The following CDH13 variants were observed in gnomAD, a reference collection of about 807,000 sequenced individuals.
The protein encoded by CDH13 is cadherin-13.
In CDH13, 24 loss-of-function variants were observed where a neutral mutation model predicts 63.8. The observed-to-expected ratio is 0.38, with a 90% CI of 0.27 to 0.53. The LOEUF (loss-of-function observed/expected upper bound fraction) is 0.53, where lower values mean the gene tolerates loss of function less well. Among genes scored for constraint, CDH13 ranks in the 20% least tolerant of loss-of-function variants. The pLI, the probability that CDH13 is intolerant of heterozygous loss-of-function variation, is 0.85. For synonymous variants in CDH13, 503 were observed against 355.3 expected, an observed-to-expected ratio of 1.42 and a Z score of -4.67; for missense variants, 1,049 against 903.1, an observed-to-expected ratio of 1.16 and a Z score of -2.07.
At chr16:83,014,743 A>AAAAAATAT in intron 2 of CDH13, among the ~76,000 whole-genome samples, 1 of 33,222 alleles carries the variant, frequency 3.0e-5, no homozygotes, top group African/African-American at 1.2e-4. Flanking sequence ...AAAAAAAAAA[A>AAAAAATAT]ATATATATAT....
At chr16:82,807,109 G>C (rs932853242) in intron 1 of CDH13, among the ~76,000 whole-genome samples, 6 of 138,572 alleles carry the variant, frequency 4.3e-5, no homozygotes, top group Admixed American at 2.9e-4. Context: ...TTTTTCTTAA[G>C]AAAAAACTTA....
At chr16:83,009,937 C>CAGCCTGGCCAACATGGTGAA (rs370474810) in intron 2 of CDH13, among the ~76,000 whole-genome samples, 26 of 152,016 alleles carry the variant, frequency 1.7e-4, no homozygotes, top group African/African-American at 6.3e-4. Flanking sequence ...AGTTCTTGAC[C>CAGCCTGGCCAACATGGTGAA]AGCCTGGCCA....
intron 1 of CDH13, among the ~76,000 whole-genome samples, chr16:82,681,642 G>A (rs558952792): frequency 5.9e-5 from 9 of 152,290 alleles, no homozygotes; most frequent in South Asian, 2.1e-4. Context: ...GGATGCTCCT[G>A]GTGCCCCCGT....
At chr16:83,113,352 G>T (rs143496418) in intron 3 of CDH13, among the ~76,000 whole-genome samples, 266 of 152,316 alleles carry the variant, frequency 1.7e-3, no homozygotes, top group African/African-American at 6.1e-3. Context: ...CAAATACTCT[G>T]CACCAGCTAC....
chr16:82,876,191 T>G (rs538051390), intron 2 of CDH13, among the ~76,000 whole-genome samples: 1 of 152,330 alleles, frequency 6.6e-6, no homozygotes, highest in South Asian at 2.1e-4. Context: ...GGGAGACAGC[T>G]AAACCATATC....
intron 3 of CDH13, among the ~76,000 whole-genome samples, chr16:83,058,363 C>T (rs374146733): frequency 1.1e-4 from 17 of 152,308 alleles, no homozygotes; most frequent in African/African-American, 3.8e-4. Flanking sequence ...TGCCGCTGGC[C>T]AATTCTTCAA....
At chr16:83,119,495 C>G (rs1473613800) in intron 3 of CDH13, among the ~76,000 whole-genome samples, 1 of 152,186 alleles carries the variant, frequency 6.6e-6, no homozygotes, top group African/African-American at 2.4e-5. Flanking sequence ...ATGGCAACAC[C>G]AGAAGTCAAG....
At chr16:83,033,098 G>A (rs190137890) in intron 3 of CDH13, among the ~76,000 whole-genome samples, 1 of 152,144 alleles carries the variant, frequency 6.6e-6, no homozygotes, top group African/African-American at 2.4e-5. Context: ...ATGTGTATAT[G>A]TACACATACA....
intron 5 of CDH13, among the ~76,000 whole-genome samples, chr16:83,338,209 A>G (rs1338388485): frequency 1.3e-5 from 2 of 149,780 alleles, no homozygotes; most frequent in Non-Finnish European, 3.0e-5. Context: ...AAAAACAAGT[A>G]ATCAGTTTAA....
At chr16:82,632,659 G>A (rs2150869454) in intron 1 of CDH13, among the ~76,000 whole-genome samples, 1 of 152,308 alleles carries the variant, frequency 6.6e-6, no homozygotes, top group South Asian at 2.1e-4. Context: ...AACCATTTTG[G>A]TACCAGGGAC....
rs1309783442 is a variant in CDH13, at chr16:82,644,876, C to T, written c.45+17739C>T. 6.6e-6 allele frequency among the ~76,000 whole-genome samples: 1 copy of T among 152,090 alleles called. No individual in the cohort carries two copies. ...AATGTGTTCTGAAGAGATACTGGTT[C>T]CATGGGAGGTTAATATGGGTTCTGG... On this transcript the variant is annotated intron_variant, in intron 1 of 13. Coordinates refer to ENST00000567109, the MANE Select transcript of CDH13 (RefSeq NM_001257.5). This position sits in a 1 kb window ranked among gnomAD's most constrained non-coding sequence, Gnocchi z 5.7.
chr16:82,786,639 A>C (rs59217991), intron 1 of CDH13, among the ~76,000 whole-genome samples: 45,036 of 142,738 alleles, frequency 0.32, 7,510 homozygotes, highest in South Asian at 0.44. Flanking sequence ...ATATCTCCTA[A>C]TGCTATCCCT....
intron 3 of CDH13, among the ~76,000 whole-genome samples, chr16:83,067,564 C>T (rs531215002): frequency 6.6e-6 from 1 of 152,234 alleles, no homozygotes; most frequent in African/African-American, 2.4e-5. Flanking sequence ...TTTACAACCT[C>T]CACAAACTAA....
intron 11 of CDH13, among the ~76,000 whole-genome samples, chr16:83,757,289 A>T (rs1464821516): frequency 6.6e-6 from 1 of 152,208 alleles, no homozygotes; most frequent in Non-Finnish European, 1.5e-5. Flanking sequence ...CAAAATCAAC[A>T]AATCCAGGCT....
At chr16:82,783,555 C>G (rs2035865556) in intron 1 of CDH13, among the ~76,000 whole-genome samples, 1 of 152,216 alleles carries the variant, frequency 6.6e-6, no homozygotes, top group South Asian at 2.1e-4. Context: ...TAGAGAAAAA[C>G]TTCTTACTCC....
intron 1 of CDH13, among the ~76,000 whole-genome samples, chr16:82,752,930 ATAATCT>A (rs1272730199): frequency 2.6e-5 from 4 of 152,258 alleles, no homozygotes; most frequent in Non-Finnish European, 5.9e-5. Flanking sequence ...TAATAGATAA[ATAATCT>A]TAAAAGCATA....
At chr16:83,474,995 C>G (rs1160173415) in intron 6 of CDH13, among the ~76,000 whole-genome samples, 3 of 152,262 alleles carry the variant, frequency 2.0e-5, no homozygotes, top group Admixed American at 1.3e-4. Flanking sequence ...GGCCGAGACA[C>G]TGAGTGTCCA....
chr16:83,280,752 T>C (rs2089145829), intron 5 of CDH13, among the ~76,000 whole-genome samples: 1 of 152,248 alleles, frequency 6.6e-6, no homozygotes, highest in African/African-American at 2.4e-5. Flanking sequence ...AATTACTCCT[T>C]GATCCATGAG....
intron 8 of CDH13, among the ~76,000 whole-genome samples, chr16:83,619,644 C>T (rs1909624978): frequency 6.6e-6 from 1 of 151,698 alleles, no homozygotes; most frequent in African/African-American, 2.4e-5. Flanking sequence ...CCCCCAGTTC[C>T]TGCCTCCATC....
Sources: gnomAD v4.1 joint callset for allele counts (sites outside exome capture counted in the v4.1 genomes callset) on GRCh38, gnomAD v4.1.1 for gene constraint, Gnocchi (gnomAD v3.1) non-coding constraint, MANE v1.5 for transcripts, NCBI Gene and HGNC (gene_info 2026-07-23, HGNC 2026-07-21) for gene names.